The following FMO3 variants were observed in gnomAD, a reference collection of about 807,000 sequenced individuals.
The protein encoded by FMO3 is flavin containing dimethylaniline monoxygenase 3.
In FMO3, 40 loss-of-function variants were observed where a neutral mutation model predicts 39.4. The observed-to-expected ratio is 1.02, with a 90% CI of 0.79 to 1.32. The LOEUF is 1.32. Among genes scored for constraint, FMO3 ranks in the 40% most tolerant of loss-of-function variants. The pLI is 0.00. For synonymous variants in FMO3, 219 were observed against 228.8 expected (o/e 0.96, Z 0.39); for missense variants, 680 against 651.8 (o/e 1.04, Z -0.47).
intron 6 of FMO3, among the ~76,000 whole-genome samples, chr1:171,113,407 G>T (rs1169183192): frequency 6.6e-6 from 1 of 152,114 alleles, no homozygotes; most frequent in Admixed American, 6.6e-5. Flanking sequence ...GAGCCCAGCT[G>T]CAGCTCTCAC....
In FMO3 at chr1:171,114,052, C is replaced by T; in HGVS notation, c.873C>T (p.Ser291=). The T allele has an allele frequency of 6.2e-7, 1 of 1,612,550 alleles. No individual in the cohort carries two copies. The highest frequency in any genetic ancestry group is 1.1e-5 in the South Asian group (1 of 90,928). Residue 291 remains serine, a synonymous_variant, in exon 7 of 9, where the codon AGC becomes AGT. Coordinates refer to ENST00000367755, the MANE Select transcript of FMO3 (RefSeq NM_001002294.3). ...TATTTAACGATGAGCTCCCAGCAAG[C>T]ATTCTGTGTGGCATTGTGTCCGTAA... ...EPVFNDELPA[S]ILCGIVSVKP...
rs200165797 is a variant in FMO3 at position 171,108,103 on chromosome 1, G to A, written c.509G>A (p.Cys170Tyr). The part of the protein sequence containing the change: ...FPGLNHFKGK[C>Y]FHSRDYKEPG... ...GGACTAAACCACTTTAAAGGCAAAT[G>A]CTTCCACAGCAGGGACTATAAAGAA... The change falls in exon 5 of 9, where the codon TGC becomes TAC. Residue 170 changes from cysteine (C) to tyrosine (Y), a missense_variant. Transcript: ENST00000367755. 6.2e-7 allele frequency: 1 copy of A among 1,613,776 alleles called. No homozygotes were observed.
chr1:171,109,668 G>GGGATTACA (rs1394726973), intron 5 of FMO3, among the ~76,000 whole-genome samples: 1 of 150,874 alleles, frequency 6.6e-6, no homozygotes, highest in Admixed American at 6.6e-5. Context: ...CTGAGTAGCT[G>GGGATTACA]GGATTACAGG....
intron 7 of FMO3, 28 bp from the exon 8 acceptor site, chr1:171,116,180 T>C (rs1178033282): frequency 7.6e-6 from 11 of 1,440,266 alleles, no homozygotes; most frequent in Non-Finnish European, 1.1e-5. Context: ...ACTCATTAAT[T>C]ACCATCGTGT....
intron 2 of FMO3, among the ~76,000 whole-genome samples, chr1:171,098,724 T>G (rs966476231): frequency 1.5e-4 from 23 of 152,334 alleles, no homozygotes; most frequent in African/African-American, 5.5e-4. Flanking sequence ...TATACAATCA[T>G]GTCATCTGCA....
At chr1:171,093,155 A>G (rs1654796363) in intron 2 of FMO3, among the ~76,000 whole-genome samples, 2 of 151,856 alleles carry the variant, frequency 1.3e-5, no homozygotes, top group Non-Finnish European at 2.9e-5. Context: ...TAGGGGGTAC[A>G]AGTGCAGTTT....
chr1:171,096,047 T>A (rs1402905600), intron 2 of FMO3, among the ~76,000 whole-genome samples: 2 of 57,064 alleles, frequency 3.5e-5, no homozygotes, highest in Non-Finnish European at 5.1e-5. Flanking sequence ...ATATTATATA[T>A]AAATATATAA....
intron 2 of FMO3, among the ~76,000 whole-genome samples, chr1:171,096,353 A>T (rs1230283090): frequency 3.3e-5 from 3 of 90,144 alleles, no homozygotes; most frequent in African/African-American, 5.0e-5. Flanking sequence ...ATATATAAAT[A>T]TATAAAAATA....
In FMO3 at chr1:171,111,926, C is replaced by A. The variant is rs551327318; in HGVS notation, c.827+929C>A. Among the ~76,000 whole-genome samples the A allele has an allele frequency of 7.9e-5, 12 of 152,194 alleles. No individual in the cohort carries two copies. The South Asian group carries it at 1.2e-3, about 16-fold the overall frequency. Reference sequence around the variant, plus strand: ...GCGATGTGTGCTTTGGGGAAGAAAACAAAGCAGATAAAGGTAATGGCAAGT... The same window carrying A: ...GCGATGTGTGCTTTGGGGAAGAAAAAAAAGCAGATAAAGGTAATGGCAAGT... On this transcript the variant is annotated intron_variant, in intron 6 of 8. Coordinates refer to ENST00000367755, the MANE Select transcript of FMO3 (RefSeq NM_001002294.3).
intron 3 of FMO3, among the ~76,000 whole-genome samples, chr1:171,106,990 G>A (rs1023440777): frequency 6.6e-6 from 1 of 152,046 alleles, no homozygotes; most frequent in Admixed American, 6.6e-5. Flanking sequence ...ATGTGTTTGT[G>A]TATTTTCTTA....
At chr1:171,104,009 TG>T in intron 3 of FMO3, 36 bp downstream of exon 3, 3 of 1,459,796 alleles carry the variant, frequency 2.1e-6, no homozygotes, top group Non-Finnish European at 1.9e-6. Flanking sequence ...CTTGTCATAA[TG>T]CTGAAGAAGT....
chr1:171,096,291 T>TA (rs1491386019), intron 2 of FMO3, among the ~76,000 whole-genome samples: 1 of 77,186 alleles, frequency 1.3e-5, no homozygotes, highest in Non-Finnish European at 2.1e-5. Context: ...ATATTATATA[T>TA]CTATTATATA....
chr1:171,105,852 C>T (rs551147976), intron 3 of FMO3, among the ~76,000 whole-genome samples: 16 of 152,126 alleles, frequency 1.1e-4, no homozygotes, highest in Admixed American at 3.3e-4. Flanking sequence ...AGAAAACTCT[C>T]GCCAAACTTA....
intron 3 of FMO3, among the ~76,000 whole-genome samples, chr1:171,106,210 G>A (rs10911320): frequency 0.26 from 39,817 of 150,616 alleles, 5,957 homozygotes; most frequent in African/African-American, 0.4. Context: ...GTGTGATCTC[G>A]GCTCACCATA....
intron 6 of FMO3, among the ~76,000 whole-genome samples, chr1:171,113,319 T>C (rs1442247850): frequency 1.3e-5 from 2 of 152,190 alleles, no homozygotes; most frequent in Non-Finnish European, 2.9e-5. Context: ...CCCTCTGGCC[T>C]TATTTAAATT....
At position 171,111,004 on chromosome 1, in the gene FMO3, C is replaced by A. The variant is rs1403096922; in HGVS notation, c.827+7C>A. 3 of 1,609,538 alleles carry A rather than the reference C, an allele frequency of 1.9e-6. No homozygotes were observed. The highest frequency in any genetic ancestry group is 1.3e-5 in the African/African-American group (1 of 74,800). ...GCTTGATGCCTTTAAATGGGTAATG[C>A]AGAGCTAAACGTGATATGCCTGCTG... On this transcript the variant is annotated splice_region_variant and intron_variant, in intron 6 of 8. Coordinates refer to ENST00000367755, the MANE Select transcript of FMO3 (RefSeq NM_001002294.3).
rs200164532 is a variant in FMO3 at position 171,107,737 on chromosome 1, C to T, written c.384C>T (p.Thr128=). 9 of 1,613,394 alleles carry T rather than the reference C, an allele frequency of 5.6e-6. No homozygotes were observed. The highest frequency in any genetic ancestry group is 5.3e-5 in the African/African-American group (4 of 74,986). Residue 128 remains threonine, a synonymous_variant, in exon 4 of 9, where the codon ACC becomes ACT. Coordinates refer to ENST00000367755, the MANE Select transcript of FMO3 (RefSeq NM_001002294.3). ...DFATTGQWDV[T]TERDGKKESA... is the part of the protein sequence containing the mutation. ...CAACTACTGGCCAGTGGGATGTTAC[C>T]ACTGAAAGGGATGGTAAAAAAGAAT...
At chr1:171,100,331 G>A (rs1655321323) in intron 2 of FMO3, 2 of 152,192 alleles carry the variant, frequency 1.3e-5, no homozygotes, top group South Asian at 2.1e-4. Flanking sequence ...CCAGAGGGTA[G>A]AGCCTCAGGC....
intron 3 of FMO3, 53 bp from the exon 4 acceptor site, chr1:171,107,622 C>A: frequency 1.3e-6 from 2 of 1,523,042 alleles, no homozygotes; most frequent in South Asian, 2.3e-5. Flanking sequence ...CTGTATCTGC[C>A]AAAACCATTT....
Sources: gnomAD v4.1 joint callset for allele counts (sites outside exome capture counted in the v4.1 genomes callset) on GRCh38, gnomAD v4.1.1 for gene constraint, MANE v1.5 for transcripts, NCBI Gene and HGNC (gene_info 2026-07-23, HGNC 2026-07-21) for gene names.